The following CLVS1 variants were observed in gnomAD, a reference collection of about 807,000 sequenced individuals.
The protein encoded by CLVS1 is clavesin 1.
A neutral mutation model predicts 33.1 loss-of-function variants in CLVS1; 10 were observed. The observed-to-expected ratio is 0.30, with a 90% CI of 0.19 to 0.51. The LOEUF (loss-of-function observed/expected upper bound fraction) is 0.51, where lower values mean the gene tolerates loss of function less well. CLVS1 is among the 20% of genes least tolerant of loss of function. The pLI, the probability that CLVS1 is intolerant of heterozygous loss-of-function variation, is 0.97. For missense variants in CLVS1, 343 were observed against 433.4 expected (o/e 0.79, Z 1.85); for synonymous variants, 163 against 166.1 (o/e 0.98, Z 0.14).
At chr8:61,418,714 T>C (rs1325436699) in intron 3 of CLVS1, among the ~76,000 whole-genome samples, 1 of 152,244 alleles carries the variant, frequency 6.6e-6, no homozygotes, top group African/African-American at 2.4e-5. Flanking sequence ...TCACCACTCT[T>C]TGAAGCTTAC....
intron 2 of CLVS1, among the ~76,000 whole-genome samples, chr8:61,223,981 T>C (rs1808276558): frequency 1.3e-5 from 2 of 152,138 alleles, no homozygotes; most frequent in African/African-American, 4.8e-5. Context: ...TTATGTATGC[T>C]TCACGAAGTT....
intron 3 of CLVS1, among the ~76,000 whole-genome samples, chr8:61,406,992 G>A (rs934894653): frequency 6.6e-6 from 1 of 152,140 alleles, no homozygotes; most frequent in African/African-American, 2.4e-5. Flanking sequence ...ATTTTACTAG[G>A]TATATTGAAC....
intron 5 of CLVS1, among the ~76,000 whole-genome samples, chr8:61,491,332 A>G (rs4738898): frequency 0.55 from 83,157 of 152,068 alleles, 26,476 homozygotes; most frequent in Non-Finnish European, 0.71. Context: ...TGGCACAGCA[A>G]GTTAGTGACA....
At chr8:61,387,581 C>T (rs1010247623) in intron 3 of CLVS1, among the ~76,000 whole-genome samples, 3 of 150,692 alleles carry the variant, frequency 2.0e-5, no homozygotes, top group Non-Finnish European at 4.4e-5. Flanking sequence ...ACCCATCACC[C>T]GAGCAGTGTA....
chr8:61,370,948 C>T lies in CLVS1; in HGVS notation c.456-5657C>T, dbSNP rs543689964. ...ATATTTTTGAAATTGCAAATTATCCCACTATAAACATGCATGAGCAAGTGT... is the reference window on the plus strand; with the variant it reads ...ATATTTTTGAAATTGCAAATTATCCTACTATAAACATGCATGAGCAAGTGT... On this transcript the variant is annotated intron_variant, in intron 2 of 5. Coordinates refer to ENST00000325897, the MANE Select transcript of CLVS1 (RefSeq NM_173519.3). 5.9e-4 allele frequency among the ~76,000 whole-genome samples: 90 copies of T among 152,234 alleles called. 2 individuals carry two copies. In the South Asian group the frequency reaches 0.018, roughly 30 times the overall value.
the CLVS1 span, among the ~76,000 whole-genome samples, chr8:60,973,792 C>G: frequency 6.6e-6 from 1 of 152,200 alleles, no homozygotes; most frequent in African/African-American, 2.4e-5. Context: ...TCGCCCAGCT[C>G]CTGAGATCTT....
At chr8:61,376,866 T>G in intron 3 of CLVS1, 87 bp downstream of exon 3, 2 of 1,265,752 alleles carry the variant, frequency 1.6e-6, no homozygotes, top group Non-Finnish European at 2.1e-6. Context: ...ATTTATCCTT[T>G]GGAGTGGAAA....
intron 1 of CLVS1, among the ~76,000 whole-genome samples, chr8:61,129,708 T>C (rs1806051256): frequency 6.6e-6 from 1 of 152,176 alleles, no homozygotes; most frequent in Admixed American, 6.5e-5. Context: ...GCCTCTTTTA[T>C]GAGGGCACTA....
intron 2 of CLVS1, among the ~76,000 whole-genome samples, chr8:61,182,216 A>G (rs1020178295): frequency 6.6e-6 from 1 of 152,148 alleles, no homozygotes; most frequent in African/African-American, 2.4e-5. Context: ...AAAACCCAAA[A>G]CCATAAAAAC....
intron 2 of CLVS1, among the ~76,000 whole-genome samples, chr8:61,353,444 T>C (rs1456742663): frequency 6.6e-6 from 1 of 151,840 alleles, no homozygotes; most frequent in East Asian, 1.9e-4. Context: ...TTCTAAATAA[T>C]CTATAGATCA....
At chr8:61,381,655 G>A (rs1272003953) in intron 3 of CLVS1, among the ~76,000 whole-genome samples, 1 of 152,092 alleles carries the variant, frequency 6.6e-6, no homozygotes, top group Non-Finnish European at 1.5e-5. Context: ...TGTACTCAGT[G>A]TTTAGCTCCT....
intron 2 of CLVS1, among the ~76,000 whole-genome samples, chr8:61,328,568 A>G (rs1811471605): frequency 6.6e-6 from 1 of 151,922 alleles, no homozygotes; most frequent in South Asian, 2.1e-4. Flanking sequence ...TCATCAAAGA[A>G]CTGTCATTTC....
At chr8:61,115,572 T>C (rs928692571) in intron 1 of CLVS1, among the ~76,000 whole-genome samples, 1 of 151,920 alleles carries the variant, frequency 6.6e-6, no homozygotes, top group East Asian at 1.9e-4. Context: ...CCCCTTCCTG[T>C]GTCCATGTGT....
the CLVS1 span, among the ~76,000 whole-genome samples, chr8:60,998,880 CT>C: frequency 6.6e-6 from 1 of 152,108 alleles, no homozygotes; most frequent in Non-Finnish European, 1.5e-5. Flanking sequence ...TTTCTTTCTT[CT>C]TTTTCTTTTT....
At chr8:61,314,576 G>A (rs557479607) in intron 2 of CLVS1, among the ~76,000 whole-genome samples, 97 of 152,230 alleles carry the variant, frequency 6.4e-4, no homozygotes, top group African/African-American at 2.0e-3. Context: ...AATGTATTCC[G>A]TACTCTCTTC....
chr8:61,052,943 T>C (rs955687657), upstream of CLVS1, among the ~76,000 whole-genome samples: 2 of 152,100 alleles, frequency 1.3e-5, no homozygotes, highest in African/African-American at 4.8e-5. Flanking sequence ...TGGCCCAGGT[T>C]GGTGATGGTG....
At chr8:61,013,725 C>T in the CLVS1 span, among the ~76,000 whole-genome samples, 1 of 152,254 alleles carries the variant, frequency 6.6e-6, no homozygotes, top group Admixed American at 6.5e-5. Context: ...CCAAAATCAA[C>T]ATGCTGGTCC....
chr8:61,489,851 A>G (rs1180799342), intron 5 of CLVS1, among the ~76,000 whole-genome samples: 1 of 152,258 alleles, frequency 6.6e-6, no homozygotes, highest in African/African-American at 2.4e-5. Context: ...ATTACAATTC[A>G]GACTTAAAAG....
At chr8:61,057,622 C>T (rs1804502444) in intron 1 of CLVS1, among the ~76,000 whole-genome samples, 1 of 151,498 alleles carries the variant, frequency 6.6e-6, no homozygotes, top group South Asian at 2.1e-4. Context: ...CACTCTGAGC[C>T]AGTCAGAAGA....
Sources: allele counts gnomAD v4.1 joint callset (sites outside exome capture counted in the v4.1 genomes callset), GRCh38; gene constraint gnomAD v4.1.1; transcripts MANE v1.5; gene names NCBI Gene and HGNC (gene_info 2026-07-23, HGNC 2026-07-21).